CDH13: variants seen among roughly 807,000 people sequenced by gnomAD.
CDH13 encodes the protein cadherin 13, also known as cadherin-13.
Under a neutral mutation model 63.8 loss-of-function variants are expected in CDH13, and 24 were observed. The ratio of observed to expected loss-of-function variants is 0.38; its 90% CI spans 0.27 to 0.53. CDH13 has a LOEUF of 0.53. CDH13 is among the 20% of genes least tolerant of loss of function. The probability of loss-of-function intolerance (pLI) is 0.85; values close to 1 mark genes in which losing one functional copy is unlikely to be tolerated. For missense variants in CDH13, 1,049 were observed against 903.1 expected, an observed-to-expected ratio of 1.16 and a Z score of -2.07; for synonymous variants, 503 against 355.3, an observed-to-expected ratio of 1.42 and a Z score of -4.67.
At chr16:82,815,677 G>A in intron 1 of CDH13, among the ~76,000 whole-genome samples, 1 of 152,036 alleles carries the variant, frequency 6.6e-6, no homozygotes, top group East Asian at 1.9e-4. Flanking sequence ...TCTCCACAGG[G>A]CTCTGTTATT....
chr16:83,351,421 C>A (rs1401073988), intron 6 of CDH13, among the ~76,000 whole-genome samples: 1 of 151,976 alleles, frequency 6.6e-6, no homozygotes, highest in East Asian at 1.9e-4. Context: ...TTAGTGAGTG[C>A]AGTTCTGGGG....
chr16:83,128,710 G>C (rs1376987964), intron 4 of CDH13, among the ~76,000 whole-genome samples: 1 of 152,168 alleles, frequency 6.6e-6, no homozygotes, highest in Non-Finnish European at 1.5e-5. Context: ...CTTTTCTTGA[G>C]CTATTCAATG....
chr16:83,371,606 A>C (rs1172224337), intron 6 of CDH13, among the ~76,000 whole-genome samples: 1 of 152,238 alleles, frequency 6.6e-6, no homozygotes, highest in African/African-American at 2.4e-5. Flanking sequence ...TCCATAATTT[A>C]AATCATATCA....
At chr16:83,666,925 C>G (rs553608683) in intron 8 of CDH13, among the ~76,000 whole-genome samples, 1 of 152,260 alleles carries the variant, frequency 6.6e-6, no homozygotes, top group East Asian at 1.9e-4. Flanking sequence ...ATCTGTCTCT[C>G]CTTTCAGCCT....
intron 6 of CDH13, among the ~76,000 whole-genome samples, chr16:83,403,679 C>T (rs1316506729): frequency 1.3e-5 from 2 of 151,996 alleles, no homozygotes; most frequent in African/African-American, 2.4e-5. Flanking sequence ...GGGGAGTGAG[C>T]AGTCCCCAGT....
At chr16:83,342,740 C>T (rs1037038822) in intron 5 of CDH13, among the ~76,000 whole-genome samples, 1 of 151,592 alleles carries the variant, frequency 6.6e-6, no homozygotes, top group African/African-American at 2.4e-5. Context: ...ATTACCTATC[C>T]TACTTGTAGC....
At chr16:83,791,936 G>C (rs1916299964) in intron 13 of CDH13, among the ~76,000 whole-genome samples, 1 of 152,044 alleles carries the variant, frequency 6.6e-6, no homozygotes, top group African/African-American at 2.4e-5. Flanking sequence ...ACAGTTTGAT[G>C]CATTTTGGTA....
chr16:83,621,390 C>T (rs1567459865), intron 8 of CDH13, among the ~76,000 whole-genome samples: 1 of 150,740 alleles, frequency 6.6e-6, no homozygotes, highest in Non-Finnish European at 1.5e-5. Flanking sequence ...CTGAAGCAGC[C>T]CAGGTCTATT....
chr16:83,185,499 C>T (rs1000627502), intron 4 of CDH13, among the ~76,000 whole-genome samples: 8 of 152,138 alleles, frequency 5.3e-5, no homozygotes, highest in African/African-American at 9.7e-5. Flanking sequence ...TGATGCTAAA[C>T]GCTATATTTT....
intron 1 of CDH13, among the ~76,000 whole-genome samples, chr16:82,653,643 C>T (rs1232464477): frequency 6.6e-6 from 1 of 151,990 alleles, no homozygotes; most frequent in African/African-American, 2.4e-5. Flanking sequence ...TAGGAGGGAG[C>T]AGCCAGGGAG....
intron 7 of CDH13, among the ~76,000 whole-genome samples, chr16:83,535,017 CAG>C (rs2075156275): frequency 2.0e-5 from 3 of 152,204 alleles, no homozygotes; most frequent in Admixed American, 1.3e-4. Flanking sequence ...ATCATATCTG[CAG>C]AGTTTCTTTT....
chr16:82,700,547 CTG>C (rs2030859509), intron 1 of CDH13, among the ~76,000 whole-genome samples: 1 of 139,590 alleles, frequency 7.2e-6, no homozygotes, highest in Admixed American at 7.2e-5. Context: ...GTGTGTGTGT[CTG>C]TGTGTCTTTC....
rs899420295 is a variant in CDH13, at chr16:83,796,246, T to G, written c.*1216T>G. The G allele has an allele frequency of 1.3e-5, 2 of 152,258 alleles. No individual in the cohort carries two copies. The highest frequency in any genetic ancestry group is 2.9e-5 in the Non-Finnish European group (2 of 68,042). The allele number at this position is 152,258 out of a possible 1,614,324, so 9.4% of individuals were successfully genotyped here. A position where few individuals can be genotyped will look rare whatever the true frequency, so the allele number is the denominator to read the frequency against. ...TAAACCATAAATGAATCATCAAAGC[T>G]CACACCAAATTTTTCTATCAAATAA... On this transcript the variant is annotated 3_prime_UTR_variant, in exon 14 of 14. Coordinates refer to ENST00000567109, the MANE Select transcript of CDH13 (RefSeq NM_001257.5).
At chr16:83,107,307 G>C (rs748199603) in intron 3 of CDH13, among the ~76,000 whole-genome samples, 1 of 124,542 alleles carries the variant, frequency 8.0e-6, no homozygotes, top group South Asian at 2.4e-4. Flanking sequence ...AAAAGAGTTC[G>C]TTGGGGTTGG....
At chr16:83,589,946 G>T (rs906687633) in intron 7 of CDH13, among the ~76,000 whole-genome samples, 3 of 152,110 alleles carry the variant, frequency 2.0e-5, no homozygotes, top group African/African-American at 7.2e-5. Context: ...TAGGAGGTGG[G>T]GGCGGGAAAT....
chr16:82,900,915 C>T (rs2041445170), intron 2 of CDH13, among the ~76,000 whole-genome samples: 1 of 152,188 alleles, frequency 6.6e-6, no homozygotes, highest in South Asian at 2.1e-4. Context: ...GCAGGGAAAT[C>T]CCAAGCACTA....
intron 6 of CDH13, among the ~76,000 whole-genome samples, chr16:83,431,270 A>G (rs2072097004): frequency 6.6e-6 from 1 of 151,840 alleles, no homozygotes; most frequent in African/African-American, 2.4e-5. Context: ...TAATGCCGCA[A>G]TAAACATACG....
At chr16:83,541,196 C>T (rs1026164707) in intron 7 of CDH13, among the ~76,000 whole-genome samples, 2 of 152,152 alleles carry the variant, frequency 1.3e-5, no homozygotes, top group African/African-American at 2.4e-5. Context: ...ATGCATCTAA[C>T]CCTGCTGCCT....
intron 9 of CDH13, among the ~76,000 whole-genome samples, chr16:83,676,639 A>C (rs1914979639): frequency 1.3e-5 from 2 of 152,228 alleles, no homozygotes; most frequent in Admixed American, 1.3e-4. Context: ...GCCACTCAGC[A>C]CTAAGAGCTT....
Sources: gnomAD v4.1 joint callset for allele counts (sites outside exome capture counted in the v4.1 genomes callset) on GRCh38, gnomAD v4.1.1 for gene constraint, MANE v1.5 for transcripts, NCBI Gene and HGNC (gene_info 2026-07-23, HGNC 2026-07-21) for gene names.